Variants in PCDH15 observed in about 807,000 individuals in gnomAD.
The protein encoded by PCDH15 is protocadherin related 15, also known as protocadherin-15.
A neutral mutation model predicts 178.5 loss-of-function variants in PCDH15; 129 were observed. That is an observed-to-expected ratio of 0.72 (90% CI 0.63 to 0.84). PCDH15 has a LOEUF of 0.84. Among genes scored for constraint, PCDH15 ranks in the 40% least tolerant of loss-of-function variants. The pLI is 0.00. For missense variants in PCDH15, 2,230 were observed against 2,099.9 expected (o/e 1.06, Z -1.21); for synonymous variants, 800 against 732.0 (o/e 1.09, Z -1.50).
intron 26 of PCDH15, among the ~76,000 whole-genome samples, chr10:53,876,059 C>T (rs2080205528): frequency 6.6e-6 from 1 of 150,628 alleles, no homozygotes; most frequent in South Asian, 2.1e-4. Flanking sequence ...GTGTTTTAGA[C>T]TGTCTGGATA....
chr10:54,499,519 C>T (rs866037135), intron 3 of PCDH15, among the ~76,000 whole-genome samples: 79 of 152,230 alleles, frequency 5.2e-4, no homozygotes, highest in African/African-American at 1.8e-3. Context: ...CCAAGAACAT[C>T]TCTTAAAACC....
intron 6 of PCDH15, 66 bp downstream of exon 6, chr10:54,346,299 C>A: frequency 6.8e-7 from 1 of 1,477,088 alleles, no homozygotes; most frequent in South Asian, 1.2e-5. Flanking sequence ...CAATAACTAT[C>A]AGCTGAAAAA....
intron 18 of PCDH15, among the ~76,000 whole-genome samples, chr10:54,025,316 G>T (rs2093049354): frequency 6.6e-6 from 1 of 151,986 alleles, no homozygotes; most frequent in African/African-American, 2.4e-5. Context: ...GTCTCACCAG[G>T]GCTATGTTTC....
intron 8 of PCDH15, among the ~76,000 whole-genome samples, chr10:54,246,694 A>G (rs573994283): frequency 4.6e-5 from 7 of 152,024 alleles, no homozygotes; most frequent in Admixed American, 4.6e-4. Flanking sequence ...TGTGTTAAAT[A>G]GAAGAATAAA....
chr10:54,809,922 G>A (rs755231478), intron 3 of PCDH15, among the ~76,000 whole-genome samples: 14 of 152,076 alleles, frequency 9.2e-5, no homozygotes, highest in African/African-American at 2.2e-4. Flanking sequence ...AATGTGTTAC[G>A]CTAGCCGTTA....
chr10:54,090,094 A>G (rs1439976140), intron 15 of PCDH15, 31 bp from the exon 16 acceptor site: 1 of 1,488,900 alleles, frequency 6.7e-7, no homozygotes, highest in Non-Finnish European at 9.4e-7. Context: ...TCAATTATCA[A>G]GTAATTGATA....
intron 2 of PCDH15, among the ~76,000 whole-genome samples, chr10:55,529,078 G>A (rs1471222246): frequency 1.3e-5 from 2 of 151,828 alleles, no homozygotes; most frequent in East Asian, 1.9e-4. Context: ...GGGGTTGTTT[G>A]TTTTTTTCTT....
chr10:54,910,233 G>T (rs962834233), intron 2 of PCDH15, among the ~76,000 whole-genome samples: 21 of 152,124 alleles, frequency 1.4e-4, no homozygotes, highest in African/African-American at 5.1e-4. Context: ...GCCTGTGGCG[G>T]CCATCAATAC....
At chr10:54,047,072 C>A (rs2093671130) in intron 18 of PCDH15, among the ~76,000 whole-genome samples, 1 of 152,016 alleles carries the variant, frequency 6.6e-6, no homozygotes, top group African/African-American at 2.4e-5. Flanking sequence ...AGTAATGTAG[C>A]ATTAAAATAT....
chr10:53,809,832 A>G (rs1308596551), intron 37 of PCDH15, among the ~76,000 whole-genome samples: 1 of 152,222 alleles, frequency 6.6e-6, no homozygotes, highest in East Asian at 1.9e-4. Context: ...TAAAAAAGAA[A>G]GAATTATTGT....
chr10:53,916,045 A>C (rs1488157724), intron 25 of PCDH15, among the ~76,000 whole-genome samples: 1 of 152,214 alleles, frequency 6.6e-6, no homozygotes, highest in African/African-American at 2.4e-5. Context: ...TAACATATAC[A>C]CATCTTCCCA....
At chr10:55,466,193 C>T (rs1266475313) in intron 2 of PCDH15, among the ~76,000 whole-genome samples, 1 of 152,046 alleles carries the variant, frequency 6.6e-6, no homozygotes, top group Non-Finnish European at 1.5e-5. Flanking sequence ...TGATGAAAAT[C>T]AACCTGAAAA....
chr10:54,587,341 T>A (rs957900895), intron 2 of PCDH15, among the ~76,000 whole-genome samples: 3 of 152,030 alleles, frequency 2.0e-5, no homozygotes, highest in African/African-American at 7.2e-5. Context: ...AAACGTTGAG[T>A]CCAGTGAAAA....
At chr10:55,463,280 A>G (rs377171086) in intron 2 of PCDH15, among the ~76,000 whole-genome samples, 90 of 152,228 alleles carry the variant, frequency 5.9e-4, no homozygotes, top group African/African-American at 2.1e-3. Flanking sequence ...CTGATAAGAA[A>G]TCTACCATAA....
At chr10:55,426,907 A>G (rs944720263) in intron 2 of PCDH15, among the ~76,000 whole-genome samples, 1 of 152,080 alleles carries the variant, frequency 6.6e-6, no homozygotes, top group Non-Finnish European at 1.5e-5. Flanking sequence ...TCATCCAACC[A>G]CAGTCTCCTA....
At chr10:54,859,603 T>C (rs1307463854) in intron 3 of PCDH15, among the ~76,000 whole-genome samples, 3 of 152,008 alleles carry the variant, frequency 2.0e-5, no homozygotes, top group Non-Finnish European at 2.9e-5. Flanking sequence ...TTTCATTTGT[T>C]CAGTCAAATA....
chr10:54,781,521 T>C (rs566233692), intron 1 of PCDH15, among the ~76,000 whole-genome samples: 97 of 152,270 alleles, frequency 6.4e-4, no homozygotes, highest in African/African-American at 2.2e-3. Flanking sequence ...TGAAATGTGA[T>C]TATAAAATTG....
At chr10:54,304,265 C>T (rs1035766184) in intron 8 of PCDH15, among the ~76,000 whole-genome samples, 3 of 152,030 alleles carry the variant, frequency 2.0e-5, no homozygotes, top group African/African-American at 7.2e-5. Context: ...GAAAACAGAG[C>T]TACTATAAAT....
chr10:53,888,812 CT>C (rs1215833346), intron 26 of PCDH15, among the ~76,000 whole-genome samples: 2 of 148,146 alleles, frequency 1.4e-5, no homozygotes, highest in Non-Finnish European at 3.0e-5. Context: ...AAGCAGAAGA[CT>C]TACACTATCA....
Sources: allele counts gnomAD v4.1 joint callset (sites outside exome capture counted in the v4.1 genomes callset), GRCh38; gene constraint gnomAD v4.1.1; transcripts MANE v1.5; gene names NCBI Gene and HGNC (gene_info 2026-07-23, HGNC 2026-07-21).